The following ALPK2 variants were observed in gnomAD, a reference collection of about 807,000 sequenced individuals.
ALPK2 encodes alpha-protein kinase 2.
ALPK2 carries 127 observed loss-of-function variants against 163.1 expected under a neutral mutation model. The observed-to-expected ratio is 0.78, with a 90% CI of 0.67 to 0.90. The LOEUF is 0.90. Ranked by LOEUF, ALPK2 falls within the 40% of genes least tolerant of loss-of-function variation. ALPK2 has a pLI of 0.00. For synonymous variants in ALPK2, 953 were observed against 959.1 expected, an observed-to-expected ratio of 0.99 and a Z score of 0.12; for missense variants, 2,360 against 2,589.6, an observed-to-expected ratio of 0.91 and a Z score of 1.92.
chr18:58,512,698 GGTGT>G (rs1484295655), intron 10 of ALPK2, among the ~76,000 whole-genome samples: 1 of 145,688 alleles, frequency 6.9e-6, no homozygotes, highest in African/African-American at 2.5e-5. Flanking sequence ...ATGTTCGTGT[GGTGT>G]GTATGTGTAT....
At chr18:58,563,656 G>A (rs900169204) in intron 4 of ALPK2, among the ~76,000 whole-genome samples, 1 of 152,134 alleles carries the variant, frequency 6.6e-6, no homozygotes, top group Admixed American at 6.5e-5. Flanking sequence ...TTTGTAAATT[G>A]TTTCCAAGCA....
chr18:58,535,517 G>A lies in ALPK2; in HGVS notation c.4670C>T (p.Thr1557Met), dbSNP rs767681153. 1.7e-5 allele frequency: 28 copies of A among 1,614,028 alleles called. No homozygotes were observed. In the East Asian group the frequency reaches 4.7e-4, roughly 27 times the overall value. The change falls in exon 5 of 13, where the codon ACG (threonine) becomes ATG (methionine). Residue 1557 changes from threonine (T) to methionine (M), a missense_variant. Physicochemically the swap from Thr to Met is moderately conservative, Grantham distance 81 (BLOSUM62 -1). Transcript: ENST00000361673. ...IMTHASLGVD[T>M]HNSTGQIHDV... The stretch of plus-strand genomic sequence containing the variant: ...ATGAATTTGGCCTGTGGAGTTGTGC[G>A]TGTCAACCCCAAGAGAAGCGTGAGT...
chr18:58,490,396 C>T (rs1986700), intron 12 of ALPK2, among the ~76,000 whole-genome samples: 23,802 of 152,072 alleles, frequency 0.16, 1,974 homozygotes, highest in East Asian at 0.38. Flanking sequence ...CCCTGCTTTC[C>T]GCCTGGTCCA....
chr18:58,524,206 A>T, intron 6 of ALPK2, 144 bp from the exon 7 acceptor site: 1 of 1,149,668 alleles, frequency 8.7e-7, no homozygotes, highest in South Asian at 1.7e-5. Context: ...AATCACGATC[A>T]GCTGTTTAAA....
chr18:58,534,758 C>T, intron 5 of ALPK2, 76 bp downstream of exon 5: 2 of 1,511,074 alleles, frequency 1.3e-6, no homozygotes, highest in Non-Finnish European at 1.8e-6. Flanking sequence ...TGCAAAGGAC[C>T]CTCGAGGACA....
In ALPK2 at chr18:58,536,586, C is replaced by T; in HGVS notation, c.3601G>A (p.Gly1201Arg). ...TRVSVVAETA[G>R]EEDSQALSNV... ...CTCAGAGCCTGACTGTCTTCTTCCC[C>T]AGCAGTTTCAGCCACCACGGAGACC... The change falls in exon 5 of 13, where the codon GGG becomes AGG. Residue 1201 changes from glycine to arginine, a missense_variant. Transcript: ENST00000361673. 6.2e-7 allele frequency: 1 copy of T among 1,614,154 alleles called. No homozygotes were observed. Among genetic ancestry groups the T allele is most frequent in the East Asian group, 2.2e-5 (1 of 44,890 alleles).
intron 1 of ALPK2, among the ~76,000 whole-genome samples, chr18:58,622,493 G>A (rs904984313): frequency 6.6e-6 from 1 of 152,166 alleles, no homozygotes; most frequent in African/African-American, 2.4e-5. Flanking sequence ...CAGAGTCCAG[G>A]TTTCTTGACT....
intron 4 of ALPK2, among the ~76,000 whole-genome samples, chr18:58,551,087 A>C (rs2051757215): frequency 6.7e-6 from 1 of 150,250 alleles, no homozygotes; most frequent in African/African-American, 2.5e-5. Context: ...GGGCTTCTTT[A>C]GAAGGTCCCA....
chr18:58,537,237 A>G lies in ALPK2; in HGVS notation c.2950T>C (p.Phe984Leu). 15 of 1,614,128 alleles carry G rather than the reference A, an allele frequency of 9.3e-6. No homozygotes were observed. Among genetic ancestry groups the G allele is most frequent in the Non-Finnish European group, 1.3e-5 (15 of 1,179,992 alleles). Residue 984 changes from phenylalanine to leucine, a missense_variant, in exon 5 of 13, where the codon TTT becomes CTT. Transcript: ENST00000361673. ...TPASYSSIVS[F>L]PWEKPTTLTA... ...AATGTTGTTGGCTTCTCCCAAGGAA[A>G]ACTCACAATTGAACTATAACTGGCT...
At chr18:58,534,507 AG>A (rs1028785588) in intron 5 of ALPK2, among the ~76,000 whole-genome samples, 3 of 152,246 alleles carry the variant, frequency 2.0e-5, no homozygotes, top group Non-Finnish European at 4.4e-5. Flanking sequence ...GAAACGGAAA[AG>A]CACCTTCATC....
chr18:58,495,987 T>C (rs577199817), intron 12 of ALPK2, among the ~76,000 whole-genome samples: 1 of 152,314 alleles, frequency 6.6e-6, no homozygotes, highest in Admixed American at 6.5e-5. Context: ...AAGGCTCCGT[T>C]TGGAAAATCC....
rs555087937 is a variant in ALPK2, at chr18:58,508,798, T to C, written c.6030-4650A>G. ...CTTTACTCTATGGACTTGCCCTGTA[T>C]TATTTCTTGCGTGAGATCCAAGAAC... is the stretch of plus-strand genomic sequence containing the variant. On this transcript the variant is annotated intron_variant, in intron 10 of 12. Transcript: ENST00000361673. 7.2e-5 allele frequency among the ~76,000 whole-genome samples: 11 copies of C among 152,324 alleles called. No individual in the cohort carries two copies. In the East Asian group the frequency reaches 2.1e-3, roughly 29 times the overall value.
intron 4 of ALPK2, among the ~76,000 whole-genome samples, chr18:58,563,486 T>A (rs936578047): frequency 3.3e-5 from 5 of 152,142 alleles, no homozygotes; most frequent in African/African-American, 1.2e-4. Flanking sequence ...TCATTTAGGC[T>A]AGAATTGGTG....
chr18:58,623,764 T>G (rs1237107255), intron 1 of ALPK2, among the ~76,000 whole-genome samples: 5 of 152,248 alleles, frequency 3.3e-5, no homozygotes, highest in Non-Finnish European at 7.3e-5. Flanking sequence ...CCACCGTGCC[T>G]GGCTGGTTCA....
At chr18:58,524,165 G>C in intron 6 of ALPK2, 103 bp from the exon 7 acceptor site, 1 of 1,463,472 alleles carries the variant, frequency 6.8e-7, no homozygotes, top group South Asian at 1.4e-5. Context: ...CTGCTCACAT[G>C]TTTTCAGCCA....
intron 1 of ALPK2, among the ~76,000 whole-genome samples, chr18:58,621,759 A>G (rs1446728963): frequency 6.6e-6 from 1 of 152,190 alleles, no homozygotes; most frequent in African/African-American, 2.4e-5. Flanking sequence ...GTCTTTGTAT[A>G]TCTTTCTGGA....
At position 58,607,333 on chromosome 18, in the gene ALPK2, T is replaced by G; in HGVS notation, c.216A>C (p.Leu72Phe). The change falls in exon 3 of 13, where the codon TTA becomes TTC. Residue 72 changes from leucine (L) to phenylalanine (F), a missense_variant. Leu to Phe is a conservative substitution (Grantham distance 22). Transcript: ENST00000361673. ...GTATAGCCACTTACCAAGAGAGATGTAACACATGAATATACTGATTCTCAA... is the reference window on the plus strand; with the variant it reads ...GTATAGCCACTTACCAAGAGAGATGGAACACATGAATATACTGATTCTCAA... ...EFFENQYIHV[L>F]HLSCCTKNDA... 1 of 1,610,074 alleles carries G rather than the reference T, an allele frequency of 6.2e-7. No individual in the cohort carries two copies. The highest frequency in any genetic ancestry group is 2.2e-5 in the East Asian group (1 of 44,856).
intron 12 of ALPK2, among the ~76,000 whole-genome samples, chr18:58,491,624 C>G (rs934694656): frequency 2.6e-5 from 4 of 152,194 alleles, no homozygotes; most frequent in Non-Finnish European, 4.4e-5. Context: ...CCTGACCAAT[C>G]AGCACTACCC....
chr18:58,579,821 T>G lies in ALPK2; in HGVS notation c.955A>C (p.Thr319Pro), dbSNP rs372066597. 48 of 1,613,976 alleles carry G rather than the reference T, an allele frequency of 3.0e-5. No homozygotes were observed. In the African/African-American group the frequency reaches 6.0e-4, roughly 20 times the overall value. ...AGGTCATCATCTGAAAACTCCTCGG[T>G]GTAGGTTAGGGTTATCTCTGGGCAA... ...ELCPEITLTYTEEFSDDDLEY... is the reference protein window; with the variant it reads ...ELCPEITLTYPEEFSDDDLEY... Residue 319 changes from threonine to proline, a missense_variant, in exon 4 of 13, where the codon ACC becomes CCC. Coordinates refer to ENST00000361673, the MANE Select transcript of ALPK2 (RefSeq NM_052947.4).
Sources: gnomAD v4.1 joint callset for allele counts (sites outside exome capture counted in the v4.1 genomes callset) on GRCh38, gnomAD v4.1.1 for gene constraint, MANE v1.5 for transcripts, NCBI Gene and HGNC (gene_info 2026-07-23, HGNC 2026-07-21) for gene names.